Variants in EDIL3 observed in about 807,000 individuals in gnomAD.
EDIL3 encodes EGF-like repeat and discoidin I-like domain-containing protein 3.
In EDIL3, 37 loss-of-function variants were observed where a neutral mutation model predicts 67.4. The ratio of observed to expected loss-of-function variants is 0.55; its 90% CI spans 0.42 to 0.72. The LOEUF is 0.72. Ranked by LOEUF, EDIL3 falls within the 30% of genes least tolerant of loss-of-function variation. EDIL3 has a pLI of 0.00. For synonymous variants in EDIL3, 195 were observed against 196.3 expected (o/e 0.99, Z 0.05); for missense variants, 527 against 586.3 (o/e 0.90, Z 1.04).
chr5:84,297,856 C>A (rs1464694887), intron 1 of EDIL3, among the ~76,000 whole-genome samples: 2 of 152,096 alleles, frequency 1.3e-5, no homozygotes, highest in East Asian at 1.9e-4. Flanking sequence ...AAGGAGCCAG[C>A]AAGTCTAGAC....
chr5:84,378,599 T>A (rs1206607272), intron 1 of EDIL3, among the ~76,000 whole-genome samples: 1 of 152,238 alleles, frequency 6.6e-6, no homozygotes, highest in Non-Finnish European at 1.5e-5. Context: ...CTATGATACA[T>A]GATCTAAGAC....
chr5:84,380,773 T>C (rs1748059363), intron 1 of EDIL3, among the ~76,000 whole-genome samples: 1 of 152,100 alleles, frequency 6.6e-6, no homozygotes, highest in Non-Finnish European at 1.5e-5. Flanking sequence ...CAGCTGGTAC[T>C]ACTAATTTAA....
intron 6 of EDIL3, among the ~76,000 whole-genome samples, chr5:84,084,012 C>A (rs1747024940): frequency 6.6e-6 from 1 of 152,050 alleles, no homozygotes; most frequent in Admixed American, 6.6e-5. Flanking sequence ...TCTCTGCTTC[C>A]TTGGAAGTAA....
At chr5:84,153,155 C>G (rs144957745) in intron 4 of EDIL3, among the ~76,000 whole-genome samples, 1 of 152,254 alleles carries the variant, frequency 6.6e-6, no homozygotes, top group Non-Finnish European at 1.5e-5. Context: ...TCAAAACTAC[C>G]TCTTACTTTA....
At chr5:84,187,855 TTG>T (rs1743497719) in intron 3 of EDIL3, among the ~76,000 whole-genome samples, 1 of 152,002 alleles carries the variant, frequency 6.6e-6, no homozygotes. Flanking sequence ...TCCTTCTCCT[TTG>T]TACTCCTCCT....
intron 1 of EDIL3, among the ~76,000 whole-genome samples, chr5:84,345,572 T>TA (rs1258374809): frequency 1.3e-5 from 2 of 152,196 alleles, no homozygotes; most frequent in East Asian, 3.9e-4. Flanking sequence ...AGGGTCCCCT[T>TA]AAAAAAAGTT....
In EDIL3 at chr5:83,941,311, A is replaced by G. The variant is rs1456350358; in HGVS notation, c.*2108T>C. 3 of 152,110 alleles carry G rather than the reference A, an allele frequency of 2.0e-5. No homozygotes were observed. The highest frequency in any genetic ancestry group is 7.2e-5 in the African/African-American group (3 of 41,472). The allele number at this position is 152,110 out of a possible 1,614,324, so 9.4% of individuals were successfully genotyped here. A position where few individuals can be genotyped will look rare whatever the true frequency, so the allele number is the denominator to read the frequency against. ...AACTCATTTCAATGCTTTTTCTAAAAGGTAACAAATATAATTTTAATCAAC... is the reference window on the plus strand; with the variant it reads ...AACTCATTTCAATGCTTTTTCTAAAGGGTAACAAATATAATTTTAATCAAC... On this transcript the variant is annotated 3_prime_UTR_variant, in exon 11 of 11. Coordinates refer to ENST00000296591, the MANE Select transcript of EDIL3 (RefSeq NM_005711.5).
At chr5:84,312,034 C>G (rs1420852391) in intron 1 of EDIL3, among the ~76,000 whole-genome samples, 2 of 152,212 alleles carry the variant, frequency 1.3e-5, no homozygotes, top group African/African-American at 4.8e-5. Flanking sequence ...TTCCACAAAA[C>G]CGCCATTGTC....
chr5:84,300,853 A>G (rs961837851), intron 1 of EDIL3, among the ~76,000 whole-genome samples: 2 of 152,182 alleles, frequency 1.3e-5, no homozygotes, highest in Non-Finnish European at 2.9e-5. Context: ...GTATACCATC[A>G]TTAAGTGGTA....
chr5:83,959,091 A>G (rs905356502), intron 10 of EDIL3, among the ~76,000 whole-genome samples: 1 of 150,840 alleles, frequency 6.6e-6, no homozygotes, highest in Non-Finnish European at 1.5e-5. Context: ...TGACATCTCA[A>G]TTAGGAGAAC....
chr5:84,102,295 T>C (rs908601273), intron 6 of EDIL3, among the ~76,000 whole-genome samples: 2 of 151,982 alleles, frequency 1.3e-5, no homozygotes, highest in Non-Finnish European at 2.9e-5. Context: ...CTATTCAACA[T>C]AGTATTGGAA....
chr5:84,071,846 T>C (rs1021424341), intron 6 of EDIL3, among the ~76,000 whole-genome samples: 1 of 152,088 alleles, frequency 6.6e-6, no homozygotes, highest in Non-Finnish European at 1.5e-5. Flanking sequence ...ATCAAAATAG[T>C]GTGATACCGG....
chr5:84,259,073 TCTCAGCCTCCAGAGTGGCTGGGA>T (rs1234028455), intron 1 of EDIL3, among the ~76,000 whole-genome samples: 3 of 149,248 alleles, frequency 2.0e-5, no homozygotes, highest in Non-Finnish European at 4.4e-5. Flanking sequence ...TATTCTCCTG[TCTCAGCCTCCAGAGTGGCTGGGA>T]CTACAGTCGC....
intron 9 of EDIL3, among the ~76,000 whole-genome samples, chr5:83,967,892 CTCT>C (rs1181464299): frequency 6.6e-6 from 1 of 152,078 alleles, no homozygotes; most frequent in Non-Finnish European, 1.5e-5. Flanking sequence ...ATCTAAAATG[CTCT>C]TGTTTGTGCC....
At chr5:84,176,777 G>A (rs1251719297) in intron 4 of EDIL3, among the ~76,000 whole-genome samples, 2 of 150,774 alleles carry the variant, frequency 1.3e-5, no homozygotes, top group East Asian at 4.0e-4. Flanking sequence ...GTGTGCCTGT[G>A]TGTGAGCGCA....
intron 2 of EDIL3, among the ~76,000 whole-genome samples, chr5:84,252,663 T>C (rs1745047868): frequency 6.6e-6 from 1 of 152,018 alleles, no homozygotes; most frequent in Non-Finnish European, 1.5e-5. Flanking sequence ...GGGCTTAAAA[T>C]ACAACACTAA....
intron 5 of EDIL3, among the ~76,000 whole-genome samples, chr5:84,123,182 C>G (rs911474938): frequency 2.0e-5 from 3 of 151,916 alleles, no homozygotes; most frequent in African/African-American, 7.2e-5. Context: ...CAATTATTTT[C>G]AATGCTAACA....
At chr5:84,081,938 GA>G (rs1347294421) in intron 6 of EDIL3, among the ~76,000 whole-genome samples, 4 of 152,170 alleles carry the variant, frequency 2.6e-5, no homozygotes, top group African/African-American at 9.7e-5. Context: ...ACACTGAGTG[GA>G]TTTCAAACTG....
intron 9 of EDIL3, among the ~76,000 whole-genome samples, chr5:83,995,567 T>G (rs1745224809): frequency 6.6e-6 from 1 of 152,188 alleles, no homozygotes; most frequent in East Asian, 1.9e-4. Flanking sequence ...CTCTTAAAAT[T>G]TTTAATAAAA....
Sources: gnomAD v4.1 joint callset for allele counts (sites outside exome capture counted in the v4.1 genomes callset) on GRCh38, gnomAD v4.1.1 for gene constraint, MANE v1.5 for transcripts, NCBI Gene and HGNC (gene_info 2026-07-23, HGNC 2026-07-21) for gene names.